RAD51B: variants seen among roughly 807,000 people sequenced by gnomAD.
RAD51B encodes the protein DNA repair protein RAD51 homolog 2.
RAD51B carries 38 observed loss-of-function variants against 42.2 expected under a neutral mutation model. The observed-to-expected ratio is 0.90, with a 90% confidence interval of 0.70 to 1.18. RAD51B has a LOEUF of 1.18. RAD51B is among the 50% of genes most tolerant of loss of function. The pLI is 0.00. For synonymous variants in RAD51B, 154 were observed against 145.2 expected (o/e 1.06, Z -0.43); for missense variants, 373 against 400.7 (o/e 0.93, Z 0.59).
intron 7 of RAD51B, among the ~76,000 whole-genome samples, chr14:67,945,636 A>C (rs1291505397): frequency 1.3e-5 from 2 of 151,522 alleles, no homozygotes. Flanking sequence ...ACGCCCAGCT[A>C]ATTTTTGTAT....
At chr14:67,844,091 T>A (rs1386810333) in intron 4 of RAD51B, among the ~76,000 whole-genome samples, 2 of 152,230 alleles carry the variant, frequency 1.3e-5, no homozygotes, top group African/African-American at 4.8e-5. Context: ...GATTTCTGCC[T>A]TAATTTCATT....
At chr14:68,172,343 C>CA (rs2078889429) in intron 7 of RAD51B, among the ~76,000 whole-genome samples, 1 of 152,220 alleles carries the variant, frequency 6.6e-6, no homozygotes, top group Non-Finnish European at 1.5e-5. Context: ...GACCACATTG[C>CA]AAAATGTAAA....
chr14:68,650,136 A>G (rs1168750916), intron 10 of RAD51B, among the ~76,000 whole-genome samples: 1 of 152,192 alleles, frequency 6.6e-6, no homozygotes, highest in East Asian at 1.9e-4. Flanking sequence ...CTGTTTGACC[A>G]CCGAAAGATT....
intron 11 of RAD51B, among the ~76,000 whole-genome samples, chr14:68,652,707 T>C (rs1892727726): frequency 6.6e-6 from 1 of 152,246 alleles, no homozygotes; most frequent in African/African-American, 2.4e-5. Flanking sequence ...GTCATTACTT[T>C]CTTGAAGTTA....
intron 10 of RAD51B, among the ~76,000 whole-genome samples, chr14:68,560,658 C>A (rs957982590): frequency 5.9e-5 from 9 of 152,150 alleles, no homozygotes; most frequent in Non-Finnish European, 1.2e-4. Flanking sequence ...ATCAGTTGAA[C>A]CCGGGAGGCG....
intron 7 of RAD51B, among the ~76,000 whole-genome samples, chr14:68,086,314 G>A (rs574189437): frequency 6.6e-6 from 1 of 152,248 alleles, no homozygotes; most frequent in Non-Finnish European, 1.5e-5. Flanking sequence ...CCAGCTGCCC[G>A]TGTGTTCCTC....
At chr14:68,175,816 T>C (rs1250804176) in intron 7 of RAD51B, among the ~76,000 whole-genome samples, 1 of 152,198 alleles carries the variant, frequency 6.6e-6, no homozygotes, top group Non-Finnish European at 1.5e-5. Flanking sequence ...TTACATGAAT[T>C]CCATCAAGTG....
intron 8 of RAD51B, among the ~76,000 whole-genome samples, chr14:68,316,018 A>G (rs1043799771): frequency 3.3e-5 from 5 of 152,222 alleles, no homozygotes; most frequent in African/African-American, 1.2e-4. Context: ...GGGCATTAAT[A>G]GAGTTTATAT....
chr14:68,115,547 A>ATT (rs1566656467), intron 7 of RAD51B, among the ~76,000 whole-genome samples: 1 of 150,134 alleles, frequency 6.7e-6, no homozygotes, highest in African/African-American at 2.5e-5. Context: ...AAGTATAAAA[A>ATT]AAAAAAAAAA....
At chr14:68,093,222 G>A (rs1715749931) in intron 7 of RAD51B, among the ~76,000 whole-genome samples, 1 of 152,070 alleles carries the variant, frequency 6.6e-6, no homozygotes, top group Admixed American at 6.6e-5. Context: ...CATAAAATGA[G>A]TTAGGGAGGA....
chr14:68,494,467 C>G (rs1884345330), intron 10 of RAD51B, among the ~76,000 whole-genome samples: 1 of 152,044 alleles, frequency 6.6e-6, no homozygotes, highest in African/African-American at 2.4e-5. Context: ...GGGCAATACT[C>G]CAAGCACCCC....
At chr14:68,418,547 C>A (rs1470191508) in intron 9 of RAD51B, among the ~76,000 whole-genome samples, 6 of 152,224 alleles carry the variant, frequency 3.9e-5, no homozygotes, top group Non-Finnish European at 8.8e-5. Flanking sequence ...GGCCAAATAC[C>A]TGGGCAGGAG....
At chr14:68,177,514 A>C (rs2140874994) in intron 7 of RAD51B, among the ~76,000 whole-genome samples, 1 of 152,292 alleles carries the variant, frequency 6.6e-6, no homozygotes, top group South Asian at 2.1e-4. Flanking sequence ...ACATGCGATC[A>C]CATGTGCTTA....
chr14:68,064,081 TATC>T (rs1372942146), intron 7 of RAD51B, among the ~76,000 whole-genome samples: 1 of 152,236 alleles, frequency 6.6e-6, no homozygotes, highest in African/African-American at 2.4e-5. Context: ...TGATGGTAGT[TATC>T]ATTCTTTTGC....
At chr14:68,661,367 G>A (rs80190437) in intron 11 of RAD51B, among the ~76,000 whole-genome samples, 4,134 of 152,218 alleles carry the variant, frequency 0.027, 169 homozygotes, top group African/African-American at 0.094. Flanking sequence ...GTTGCTGCAC[G>A]CGCTGGAATC....
At chr14:68,277,407 G>A (rs886969129) in intron 7 of RAD51B, among the ~76,000 whole-genome samples, 3 of 152,208 alleles carry the variant, frequency 2.0e-5, no homozygotes, top group African/African-American at 7.2e-5. Flanking sequence ...TTCACCGTCA[G>A]TCTGCCTCTT....
chr14:68,331,265 G>A (rs1464413867), intron 8 of RAD51B, among the ~76,000 whole-genome samples: 3 of 150,696 alleles, frequency 2.0e-5, no homozygotes, highest in Non-Finnish European at 4.4e-5. Flanking sequence ...GGGAGGCTGA[G>A]GCAGGAGAAT....
At chr14:68,377,605 G>A (rs948100054) in intron 8 of RAD51B, among the ~76,000 whole-genome samples, 10 of 152,136 alleles carry the variant, frequency 6.6e-5, no homozygotes, top group African/African-American at 2.2e-4. Context: ...GAACCTTCTC[G>A]CCTCCATCTG....
chr14:67,822,375 G>C (rs919917836), intron 1 of RAD51B: 1 of 152,120 alleles, frequency 6.6e-6, no homozygotes, highest in African/African-American at 2.4e-5. Flanking sequence ...TAAGCAGCTA[G>C]TGTAATAAAG....
Sources: allele counts gnomAD v4.1 joint callset (sites outside exome capture counted in the v4.1 genomes callset), GRCh38; gene constraint gnomAD v4.1.1; transcripts MANE v1.5; gene names NCBI Gene and HGNC (gene_info 2026-07-23, HGNC 2026-07-21).